RRN3: variants seen among roughly 807,000 people sequenced by gnomAD.
RRN3 encodes RNA polymerase I-specific transcription initiation factor RRN3.
A neutral mutation model predicts 82.3 loss-of-function variants in RRN3; 38 were observed. The observed-to-expected ratio is 0.46, with a 90% confidence interval of 0.36 to 0.61. The LOEUF (loss-of-function observed/expected upper bound fraction) is 0.61. Ranked by LOEUF, RRN3 falls within the 20% of genes least tolerant of loss-of-function variation. The probability of loss-of-function intolerance (pLI) is 0.00; values close to 1 mark genes in which losing one functional copy is unlikely to be tolerated. For missense variants in RRN3, 726 were observed against 793.1 expected (o/e 0.92, Z 1.02); for synonymous variants, 284 against 284.3 (o/e 1.00, Z 0.01).
At chr16:15,062,029 A>G (rs979831792) in intron 17 of RRN3, 124 bp from the exon 18 acceptor site, 1 of 1,021,066 alleles carries the variant, frequency 9.8e-7, no homozygotes, top group Non-Finnish European at 1.4e-6. Context: ...TAATTTCAAA[A>G]GAAAGCCAGT....
chr16:15,090,224 A>G (rs2046078123), intron 3 of RRN3, among the ~76,000 whole-genome samples: 1 of 152,012 alleles, frequency 6.6e-6, no homozygotes, highest in African/African-American at 2.4e-5. Context: ...AAAAAAGTCC[A>G]CTGAAATCAG....
rs2045211923 is a variant in RRN3 at position 15,071,229 on chromosome 16, T to G, written c.1151A>C (p.Glu384Ala). Residue 384 changes from glutamate (E) to alanine (A), a missense_variant, in exon 13 of 18, where the codon GAA becomes GCA. Around this residue, in one of 4 missense-constraint regions of RRN3, gnomAD observed 344 missense variants for 394.5 expected, o/e 0.87. Transcript: ENST00000198767. Reference sequence around the variant, plus strand: ...GTCCTGCAATTTTTTCCAGAGATGTTCCAAAAATGCCTCTGCGAATCCCTA... The same window carrying G: ...GTCCTGCAATTTTTTCCAGAGATGTGCCAAAAATGCCTCTGCGAATCCCTA... ...FKLGFAEAFL[E>A]HLWKKLQDPS... The G allele has an allele frequency of 1.9e-6, 3 of 1,610,316 alleles. No homozygotes were observed. The highest frequency in any genetic ancestry group is 1.7e-6 in the Non-Finnish European group (2 of 1,179,344).
intron 10 of RRN3, among the ~76,000 whole-genome samples, chr16:15,075,779 C>T (rs947006592): frequency 7.9e-5 from 12 of 152,124 alleles, no homozygotes; most frequent in Non-Finnish European, 2.9e-5. Flanking sequence ...TCCTGGTGCC[C>T]ACCATGGCGG....
chr16:15,075,250 C>CAAA (rs56913254), intron 10 of RRN3, among the ~76,000 whole-genome samples: 3 of 68,046 alleles, frequency 4.4e-5, no homozygotes, highest in Non-Finnish European at 9.1e-5. Flanking sequence ...TGTGCCCCAC[C>CAAA]AAAAAAAAAA....
intron 7 of RRN3, 113 bp downstream of exon 7, chr16:15,084,529 A>G (rs1275344467): frequency 1.4e-6 from 1 of 711,258 alleles, no homozygotes; most frequent in South Asian, 1.9e-5. Flanking sequence ...GATACAAAAA[A>G]AACATGCAAT....
intron 10 of RRN3, among the ~76,000 whole-genome samples, chr16:15,076,283 C>T (rs1288460890): frequency 1.3e-5 from 2 of 152,200 alleles, no homozygotes; most frequent in Non-Finnish European, 2.9e-5. Flanking sequence ...CACGCCCTCA[C>T]AGACAGCATC....
At position 15,061,294 on chromosome 16, in the gene RRN3, T is replaced by C. The variant is rs1381493623; in HGVS notation, c.*450A>G. On this transcript the variant is annotated 3_prime_UTR_variant, in exon 18 of 18. Transcript: ENST00000198767. Reference sequence around the variant, plus strand: ...CAAAATAAACACTTTCTAGTTAAAGTCTTTAAATAGAAGTTTTATCTTAGA... The same window carrying C: ...CAAAATAAACACTTTCTAGTTAAAGCCTTTAAATAGAAGTTTTATCTTAGA... 6.3e-6 allele frequency: 1 copy of C among 157,930 alleles called. No homozygotes were observed. The highest frequency in any genetic ancestry group is 1.4e-5 in the Non-Finnish European group (1 of 72,174). 9.8% of individuals were successfully genotyped at this position (157,930 alleles called of 1,614,324 possible).
Position 15,061,882 on chromosome 16 carries a change from A to G in RRN3, c.1818T>C (p.Asp606=). ...MKKDIVEDED[D]DFLKGEVPQN... is the part of the protein sequence containing the mutation. The stretch of plus-strand genomic sequence containing the variant: ...GGGGCACTTCGCCTTTCAGAAAGTC[A>G]TCATCTTCATCTTCCACTATGTCCT... Residue 606 remains aspartate (D), a synonymous_variant, in exon 18 of 18, where the codon GAT becomes GAC. Coordinates refer to ENST00000198767, the MANE Select transcript of RRN3 (RefSeq NM_018427.5). 6.2e-7 allele frequency: 1 copy of G among 1,612,786 alleles called. No individual in the cohort carries two copies. The highest frequency in any genetic ancestry group is 8.5e-7 in the Non-Finnish European group (1 of 1,178,758).
chr16:15,083,544 A>T lies in RRN3; in HGVS notation c.635T>A (p.Phe212Tyr). 1.2e-6 allele frequency: 2 copies of T among 1,609,364 alleles called. No homozygotes were observed. The highest frequency in any genetic ancestry group is 1.7e-6 in the Non-Finnish European group (2 of 1,179,148). The change falls in exon 8 of 18, where the codon TTT becomes TAT. Residue 212 changes from phenylalanine (F) to tyrosine (Y), a missense_variant. Physicochemically the swap from Phe to Tyr is conservative, Grantham distance 22 (BLOSUM62 3). Transcript: ENST00000198767. ...TCTCTCTGATTTTCGAACAAATGGA[A>T]ATTTTTCCACCAGTATTGGCATGAG... ...WFLMPILVEK[F>Y]PFVRKSERTL...
At chr16:15,077,388 G>A (rs868333406) in intron 9 of RRN3, among the ~76,000 whole-genome samples, 12 of 152,046 alleles carry the variant, frequency 7.9e-5, no homozygotes, top group South Asian at 4.1e-4. Context: ...TACTGTTCTC[G>A]TGATAGTGAA....
At chr16:15,086,502 A>G in intron 3 of RRN3, 48 bp from the exon 4 acceptor site, 1 of 1,607,272 alleles carries the variant, frequency 6.2e-7, no homozygotes, top group Non-Finnish European at 8.5e-7. Context: ...CCTCTAACAT[A>G]ACAGAAATTT....
At chr16:15,076,015 A>G (rs548101696) in intron 10 of RRN3, among the ~76,000 whole-genome samples, 2 of 152,140 alleles carry the variant, frequency 1.3e-5, no homozygotes, top group Admixed American at 6.5e-5. Flanking sequence ...AGCTGGGAAC[A>G]AACTCTGTAG....
chr16:15,087,385 G>C (rs2045949564), intron 3 of RRN3, among the ~76,000 whole-genome samples: 1 of 152,106 alleles, frequency 6.6e-6, no homozygotes, highest in Admixed American at 6.6e-5. Context: ...CGATTAATAA[G>C]CAATCTGCCC....
At chr16:15,082,530 G>A (rs1356410178) in intron 8 of RRN3, among the ~76,000 whole-genome samples, 1 of 151,860 alleles carries the variant, frequency 6.6e-6, no homozygotes, top group Non-Finnish European at 1.5e-5. Context: ...AAAATTAGCG[G>A]GGTGTGGTGC....
Position 15,065,262 on chromosome 16 carries a change from G to T in RRN3, c.1663C>A (p.Pro555Thr). The change falls in exon 16 of 18, where the codon CCG becomes ACG. Residue 555 changes from proline (P) to threonine (T), a missense_variant. Pro to Thr is a conservative substitution (Grantham distance 38). Transcript: ENST00000198767. ...GGDSVQICTN[P>T]LDTFFPFDPC... ...TCAAAGGGGAAGAAGGTGTCCAGCGGGTTTGTGCAGATCTGCACTGAGTCT... is the reference window on the plus strand; with the variant it reads ...TCAAAGGGGAAGAAGGTGTCCAGCGTGTTTGTGCAGATCTGCACTGAGTCT... 1 of 1,613,882 alleles carries T rather than the reference G, an allele frequency of 6.2e-7. No individual in the cohort carries two copies. The highest frequency in any genetic ancestry group is 8.5e-7 in the Non-Finnish European group (1 of 1,179,826).
chr16:15,080,247 A>C, intron 8 of RRN3, 151 bp from the exon 9 acceptor site: 3 of 1,105,742 alleles, frequency 2.7e-6, no homozygotes, highest in Non-Finnish European at 2.5e-6. Context: ...TACTGTTTCT[A>C]CATGTATTAT....
At chr16:15,066,493 C>T (rs2377197) in intron 15 of RRN3, among the ~76,000 whole-genome samples, 97,323 of 151,562 alleles carry the variant, frequency 0.64, 33,031 homozygotes, top group Non-Finnish European at 0.74. Context: ...ATTAGCTGGG[C>T]GTGGTGGCAG....
chr16:15,076,591 A>G lies in RRN3; in HGVS notation c.825T>C (p.Gly275=). ...ACAATCCTTCCGTGGAATCTGTCCC[A>G]CCACAAGTTTGAGTTGCTGTTTCTT... ...DAEETATQTC[G]GTDSTEGLFN... Residue 275 remains glycine, a synonymous_variant, in exon 10 of 18, where the codon GGT becomes GGC. Transcript: ENST00000198767. 1 of 1,613,256 alleles carries G rather than the reference A, an allele frequency of 6.2e-7. No homozygotes were observed. The highest frequency in any genetic ancestry group is 8.5e-7 in the Non-Finnish European group (1 of 1,179,220).
chr16:15,074,188 A>G (rs1233862263), intron 11 of RRN3, among the ~76,000 whole-genome samples: 1 of 152,246 alleles, frequency 6.6e-6, no homozygotes, highest in Non-Finnish European at 1.5e-5. Flanking sequence ...CCGTTAAAAC[A>G]GTAATGCAGT....
Sources: allele counts gnomAD v4.1 joint callset (sites outside exome capture counted in the v4.1 genomes callset), GRCh38; gene constraint gnomAD v4.1.1; regional missense constraint gnomAD v4.1.1; transcripts MANE v1.5; gene names NCBI Gene and HGNC (gene_info 2026-07-23, HGNC 2026-07-21).